The following RNFT2 variants were observed in gnomAD, a reference collection of about 807,000 sequenced individuals.
The protein encoded by RNFT2 is E3 ubiquitin-protein ligase RNFT2.
RNFT2 carries 36 observed loss-of-function variants against 53.0 expected under a neutral mutation model. That is an observed-to-expected ratio of 0.68 (90% CI 0.52 to 0.90). The LOEUF (loss-of-function observed/expected upper bound fraction) is 0.90. RNFT2 is among the 40% of genes least tolerant of loss of function. RNFT2 has a pLI of 0.00. For missense variants in RNFT2, 514 were observed against 585.6 expected, an observed-to-expected ratio of 0.88 and a Z score of 1.26; for synonymous variants, 260 against 253.2, an observed-to-expected ratio of 1.03 and a Z score of -0.26.
At chr12:116,778,799 G>A (rs371575320) in intron 6 of RNFT2, among the ~76,000 whole-genome samples, 2 of 152,164 alleles carry the variant, frequency 1.3e-5, no homozygotes, top group Admixed American at 6.5e-5. Flanking sequence ...GCAGTGAGCC[G>A]AGATCATGCC....
chr12:116,742,349 C>A (rs1366914215), intron 3 of RNFT2, among the ~76,000 whole-genome samples: 2 of 150,688 alleles, frequency 1.3e-5, no homozygotes, highest in East Asian at 3.9e-4. Context: ...CTCACTGCAG[C>A]CTCGACCTCT....
chr12:116,821,191 C>T (rs1049882873), intron 7 of RNFT2, among the ~76,000 whole-genome samples: 2 of 151,804 alleles, frequency 1.3e-5, no homozygotes, highest in Non-Finnish European at 2.9e-5. Flanking sequence ...CTTTCTTCTG[C>T]CCCCAGCCCC....
intron 7 of RNFT2, among the ~76,000 whole-genome samples, chr12:116,819,468 C>A (rs956481999): frequency 2.0e-5 from 3 of 152,038 alleles, no homozygotes; most frequent in Admixed American, 6.6e-5. Flanking sequence ...CATGAGATGC[C>A]GGCGCTCGCC....
At chr12:116,787,638 C>T (rs564281432) in intron 7 of RNFT2, among the ~76,000 whole-genome samples, 1 of 152,036 alleles carries the variant, frequency 6.6e-6, no homozygotes, top group East Asian at 1.9e-4. Flanking sequence ...ATCATTGAGC[C>T]CAGGAGTTGA....
intron 3 of RNFT2, 109 bp from the exon 4 acceptor site, chr12:116,749,730 GAC>G (rs1566068645): frequency 1.1e-6 from 1 of 950,756 alleles, no homozygotes; most frequent in African/African-American, 1.6e-5. Flanking sequence ...ATTTGAGGGG[GAC>G]ACAGCTCAAC....
chr12:116,836,712 G>T (rs532437062), intron 10 of RNFT2, among the ~76,000 whole-genome samples: 1 of 151,962 alleles, frequency 6.6e-6, no homozygotes, highest in Non-Finnish European at 1.5e-5. Context: ...ATCACCTGAG[G>T]TCAGGAGTTC....
intron 7 of RNFT2, among the ~76,000 whole-genome samples, chr12:116,799,656 C>G (rs1030331379): frequency 2.6e-5 from 4 of 152,132 alleles, no homozygotes; most frequent in Non-Finnish European, 5.9e-5. Flanking sequence ...GATTCCTCAG[C>G]TGGGCACGAT....
intron 7 of RNFT2, among the ~76,000 whole-genome samples, chr12:116,829,149 T>C (rs773141443): frequency 1.3e-5 from 2 of 151,514 alleles, no homozygotes; most frequent in Non-Finnish European, 2.9e-5. Flanking sequence ...CAGCTGAGGG[T>C]GGGTGGTTCA....
intron 7 of RNFT2, among the ~76,000 whole-genome samples, chr12:116,791,430 C>T (rs939314659): frequency 7.2e-5 from 11 of 152,190 alleles, no homozygotes; most frequent in African/African-American, 2.7e-4. Context: ...CCTGCCTCAG[C>T]CCCCAAGAGT....
intron 5 of RNFT2, among the ~76,000 whole-genome samples, chr12:116,761,652 T>C (rs762039695): frequency 1.3e-5 from 2 of 152,176 alleles, no homozygotes; most frequent in Non-Finnish European, 2.9e-5. Flanking sequence ...CATTTTTCTG[T>C]CATTTTCCCA....
At chr12:116,832,148 A>AATATATATATATATATAT (rs1555209703) in intron 7 of RNFT2, among the ~76,000 whole-genome samples, 9 of 55,164 alleles carry the variant, frequency 1.6e-4, no homozygotes, top group South Asian at 7.2e-4. Context: ...AAAAAAAAAA[A>AATATATATATATATATAT]ATATATATAT....
intron 5 of RNFT2, among the ~76,000 whole-genome samples, chr12:116,759,565 G>A (rs1158048952): frequency 6.6e-6 from 1 of 152,104 alleles, no homozygotes; most frequent in Non-Finnish European, 1.5e-5. Context: ...CCTCTTTTTG[G>A]TACTCTTCCC....
chr12:116,842,132 A>G (rs1877374316), intron 10 of RNFT2, among the ~76,000 whole-genome samples: 1 of 150,682 alleles, frequency 6.6e-6, no homozygotes, highest in Non-Finnish European at 1.5e-5. Context: ...TGCTGGTAGG[A>G]TTCCGTTCCT....
chr12:116,809,142 A>G (rs1440032056), intron 7 of RNFT2, among the ~76,000 whole-genome samples: 2 of 152,146 alleles, frequency 1.3e-5, no homozygotes, highest in East Asian at 1.9e-4. Context: ...GCCCTCCCCC[A>G]GGAACTGAAG....
intron 6 of RNFT2, among the ~76,000 whole-genome samples, chr12:116,776,833 A>G (rs1873449413): frequency 6.6e-6 from 1 of 151,840 alleles, no homozygotes; most frequent in African/African-American, 2.4e-5. Context: ...ACTGGTTCCA[A>G]TCTAAGCTCC....
chr12:116,819,496 G>A (rs1035486866), intron 7 of RNFT2, among the ~76,000 whole-genome samples: 19 of 152,110 alleles, frequency 1.2e-4, no homozygotes, highest in Non-Finnish European at 2.5e-4. Flanking sequence ...CGATTTGTTG[G>A]GAGCGCGGGG....
intron 3 of RNFT2, among the ~76,000 whole-genome samples, chr12:116,747,945 C>T (rs533055746): frequency 1.3e-5 from 2 of 152,214 alleles, no homozygotes; most frequent in Admixed American, 1.3e-4. Context: ...AATCCCAGCA[C>T]TTTGGGAGGC....
intron 7 of RNFT2, among the ~76,000 whole-genome samples, chr12:116,790,654 G>C (rs141842063): frequency 6.6e-6 from 1 of 152,098 alleles, no homozygotes; most frequent in East Asian, 1.9e-4. Flanking sequence ...TACAATTCAC[G>C]TAACATAAAA....
intron 5 of RNFT2, among the ~76,000 whole-genome samples, chr12:116,765,466 C>G (rs894312878): frequency 1.3e-5 from 2 of 152,058 alleles, no homozygotes; most frequent in Admixed American, 1.3e-4. Flanking sequence ...GAGCATTTAC[C>G]GAAACCACAG....
Sources: allele counts gnomAD v4.1 joint callset (sites outside exome capture counted in the v4.1 genomes callset), GRCh38; gene constraint gnomAD v4.1.1; transcripts MANE v1.5; gene names NCBI Gene and HGNC (gene_info 2026-07-23, HGNC 2026-07-21).